Variants in SOX6 observed in about 807,000 individuals in gnomAD.
SOX6 encodes the protein SRY-box transcription factor 6.
A neutral mutation model predicts 97.8 loss-of-function variants in SOX6; 11 were observed. That is an observed-to-expected ratio of 0.11 (90% CI 0.07 to 0.19). The LOEUF (loss-of-function observed/expected upper bound fraction) is 0.19, where lower values mean the gene tolerates loss of function less well. SOX6 is among the 10% of genes least tolerant of loss of function. SOX6 has a pLI of 1.00. For synonymous variants in SOX6, 360 were observed against 371.4 expected (o/e 0.97, Z 0.35); for missense variants, 810 against 1,039.5 (o/e 0.78, Z 3.04).
chr11:16,734,448 T>C (rs913106521), intron 2 of SOX6, among the ~76,000 whole-genome samples: 2 of 152,212 alleles, frequency 1.3e-5, no homozygotes, highest in Admixed American at 1.3e-4. Context: ...CTTCTAGTTC[T>C]ATGTCTACCT....
chr11:16,249,773 T>G (rs1317092384), intron 3 of SOX6, among the ~76,000 whole-genome samples: 1 of 152,194 alleles, frequency 6.6e-6, no homozygotes, highest in Non-Finnish European at 1.5e-5. Flanking sequence ...TTTCCTTCTC[T>G]CATATACTGC....
intron 3 of SOX6, among the ~76,000 whole-genome samples, chr11:16,631,728 G>A (rs1848709801): frequency 6.6e-6 from 1 of 152,030 alleles, no homozygotes; most frequent in African/African-American, 2.4e-5. Context: ...TAATTCATAG[G>A]TTTGGTTGCT....
chr11:16,665,565 C>A (rs1847801204), intron 3 of SOX6, among the ~76,000 whole-genome samples: 1 of 152,148 alleles, frequency 6.6e-6, no homozygotes, highest in African/African-American at 2.4e-5. Flanking sequence ...TGACTTCAGG[C>A]CTTGGCTCCT....
At chr11:16,534,730 C>T (rs567283589) in intron 4 of SOX6, among the ~76,000 whole-genome samples, 14 of 152,180 alleles carry the variant, frequency 9.2e-5, no homozygotes, top group South Asian at 2.1e-4. Context: ...CCTCACACCC[C>T]AAACACCCCA....
intron 4 of SOX6, among the ~76,000 whole-genome samples, chr11:16,221,078 G>A (rs1482707623): frequency 1.3e-5 from 2 of 152,012 alleles, no homozygotes; most frequent in Admixed American, 6.6e-5. Context: ...TTCTCAAAAT[G>A]TGGTTCTTAG....
intron 3 of SOX6, among the ~76,000 whole-genome samples, chr11:16,302,566 C>T (rs368511202): frequency 3.3e-3 from 286 of 86,980 alleles, no homozygotes; most frequent in Non-Finnish European, 3.7e-3. Context: ...TTCTTTTTTT[C>T]TTTTTTTTTT....
intron 6 of SOX6, among the ~76,000 whole-genome samples, chr11:16,114,063 G>T (rs905715096): frequency 5.4e-4 from 82 of 152,216 alleles, no homozygotes; most frequent in African/African-American, 1.9e-3. Context: ...GTAAAGAAAG[G>T]CTGTATAACA....
intron 6 of SOX6, among the ~76,000 whole-genome samples, chr11:16,117,736 T>C (rs1384297956): frequency 6.6e-6 from 1 of 152,148 alleles, no homozygotes; most frequent in Non-Finnish European, 1.5e-5. Flanking sequence ...ATTCTGAAGA[T>C]ACAGAAAAGC....
At chr11:16,047,967 G>C (rs932786079) in intron 11 of SOX6, among the ~76,000 whole-genome samples, 1 of 151,970 alleles carries the variant, frequency 6.6e-6, no homozygotes, top group Non-Finnish European at 1.5e-5. Flanking sequence ...ACCTGGACGA[G>C]AGTGCTGTTC....
intron 4 of SOX6, among the ~76,000 whole-genome samples, chr11:16,600,700 T>C (rs1590001815): frequency 6.6e-6 from 1 of 152,332 alleles, no homozygotes; most frequent in East Asian, 1.9e-4. Flanking sequence ...TGTTTAAATG[T>C]CTAAACAAAA....
intron 4 of SOX6, among the ~76,000 whole-genome samples, chr11:16,561,225 G>C (rs1029322614): frequency 3.3e-5 from 5 of 152,128 alleles, no homozygotes; most frequent in African/African-American, 1.2e-4. Context: ...CATGTTGTCT[G>C]TACTACAACT....
intron 12 of SOX6, among the ~76,000 whole-genome samples, chr11:16,017,932 T>C (rs1360980335): frequency 6.6e-6 from 1 of 152,082 alleles, no homozygotes; most frequent in Non-Finnish European, 1.5e-5. Context: ...CCCATCTTCA[T>C]GTTGACAGTG....
At chr11:16,148,721 C>T (rs1350110688) in intron 6 of SOX6, among the ~76,000 whole-genome samples, 1 of 152,124 alleles carries the variant, frequency 6.6e-6, no homozygotes, top group Non-Finnish European at 1.5e-5. Context: ...TCTCTCCTTA[C>T]TTTTTTCCAG....
intron 4 of SOX6, among the ~76,000 whole-genome samples, chr11:16,205,397 T>C (rs1187497083): frequency 6.6e-6 from 1 of 152,148 alleles, no homozygotes; most frequent in East Asian, 1.9e-4. Context: ...CATTTGCCCA[T>C]GTATTTGAAA....
chr11:16,589,546 T>C (rs1254946529), intron 4 of SOX6, among the ~76,000 whole-genome samples: 27 of 152,156 alleles, frequency 1.8e-4, no homozygotes, highest in Admixed American at 1.8e-3. Flanking sequence ...GCCTTAATGA[T>C]AACAAGACCA....
intron 4 of SOX6, among the ~76,000 whole-genome samples, chr11:16,193,766 CT>C (rs1272753410): frequency 6.6e-6 from 1 of 152,170 alleles, no homozygotes; most frequent in Non-Finnish European, 1.5e-5. Context: ...AAAACAAAAG[CT>C]CTTAAGAATC....
At chr11:16,132,480 G>GA (rs1367390359) in intron 6 of SOX6, among the ~76,000 whole-genome samples, 1 of 145,508 alleles carries the variant, frequency 6.9e-6, no homozygotes, top group African/African-American at 2.5e-5. Flanking sequence ...AAGAAAGAAA[G>GA]AAAGAAAGAA....
rs552607788 is a variant in SOX6, at chr11:16,280,366, C to T, written c.445+38080G>A. Among the ~76,000 whole-genome samples the T allele has an allele frequency of 5.2e-4, 60 of 115,722 alleles. 1 individual carries two copies. The highest frequency in any genetic ancestry group is 2.7e-3 in the South Asian group (9 of 3,322). 75.9% of individuals were successfully genotyped at this position (115,722 alleles called of 152,430 possible). ...TTAAATAAAATAGAAAGTTATAATA[C>T]TTTATTTGAGCTTTTTTTTTTTTTA... On this transcript the variant is annotated intron_variant, in intron 3 of 15. Coordinates refer to ENST00000683767, the MANE Select transcript of SOX6 (RefSeq NM_001367873.1).
chr11:16,373,861 A>G (rs182334604), intron 1 of SOX6, among the ~76,000 whole-genome samples: 79 of 63,602 alleles, frequency 1.2e-3, no homozygotes, highest in East Asian at 0.012. Flanking sequence ...GGAAGGAAGG[A>G]AGGAAGGAAG....
Sources: gnomAD v4.1 joint callset for allele counts (sites outside exome capture counted in the v4.1 genomes callset) on GRCh38, gnomAD v4.1.1 for gene constraint, MANE v1.5 for transcripts, NCBI Gene and HGNC (gene_info 2026-07-23, HGNC 2026-07-21) for gene names.